SORCS3: variants seen among roughly 807,000 people sequenced by gnomAD.
SORCS3 encodes VPS10 domain-containing receptor SorCS3.
SORCS3 carries 57 observed loss-of-function variants against 146.3 expected under a neutral mutation model. The ratio of observed to expected loss-of-function variants is 0.39; its 90% CI spans 0.31 to 0.49. SORCS3 has a LOEUF of 0.49. Ranked by LOEUF, SORCS3 falls within the 20% of genes least tolerant of loss-of-function variation. SORCS3 has a pLI of 0.92. For missense variants in SORCS3, 1,341 were observed against 1,575.5 expected, an observed-to-expected ratio of 0.85 and a Z score of 2.52; for synonymous variants, 653 against 618.5, an observed-to-expected ratio of 1.06 and a Z score of -0.83.
chr10:104,841,713 C>T (rs76712106), intron 1 of SORCS3, among the ~76,000 whole-genome samples: 299 of 151,834 alleles, frequency 2.0e-3, no homozygotes, highest in African/African-American at 6.9e-3. Context: ...AGTCCCATCT[C>T]GGTAGCAGAA....
chr10:104,915,715 C>T, intron 2 of SORCS3, 118 bp from the exon 3 acceptor site: 1 of 786,148 alleles, frequency 1.3e-6, no homozygotes, highest in Non-Finnish European at 2.2e-6. Context: ...CTCTGAAGCA[C>T]TCATATGATT....
chr10:105,002,196 G>A (rs191135276), intron 4 of SORCS3, among the ~76,000 whole-genome samples: 1 of 152,264 alleles, frequency 6.6e-6, no homozygotes, highest in East Asian at 1.9e-4. Context: ...AGATAAAAGA[G>A]TGTCGCAGGC....
intron 3 of SORCS3, among the ~76,000 whole-genome samples, chr10:104,958,348 G>A (rs1249376254): frequency 6.6e-6 from 1 of 152,140 alleles, no homozygotes; most frequent in African/African-American, 2.4e-5. Flanking sequence ...TAGAATGGGT[G>A]TGATAGGCAG....
intron 1 of SORCS3, among the ~76,000 whole-genome samples, chr10:104,821,433 C>T (rs112592529): frequency 4.6e-5 from 7 of 152,238 alleles, no homozygotes; most frequent in African/African-American, 1.7e-4. Flanking sequence ...AACATGTGCA[C>T]ATTCCTGGGG....
chr10:105,160,484 A>G (rs1289774359), intron 11 of SORCS3, among the ~76,000 whole-genome samples: 1 of 152,022 alleles, frequency 6.6e-6, no homozygotes, highest in Admixed American at 6.6e-5. Context: ...AAAATTAACC[A>G]GGTGTGGTGG....
intron 9 of SORCS3, among the ~76,000 whole-genome samples, chr10:105,156,419 G>A (rs919752578): frequency 1.3e-5 from 2 of 152,132 alleles, no homozygotes; most frequent in African/African-American, 2.4e-5. Flanking sequence ...ATCCTCTAGC[G>A]GCTTGTTTTG....
At chr10:104,908,633 T>C (rs2018933522) in intron 2 of SORCS3, among the ~76,000 whole-genome samples, 1 of 152,196 alleles carries the variant, frequency 6.6e-6, no homozygotes, top group East Asian at 1.9e-4. Context: ...CTCTGCACTT[T>C]CAGAAATTAA....
intron 1 of SORCS3, among the ~76,000 whole-genome samples, chr10:104,742,480 G>A (rs2016859835): frequency 6.6e-6 from 1 of 152,162 alleles, no homozygotes; most frequent in Admixed American, 6.5e-5. Context: ...CCTCTAAGGA[G>A]CTTGGGTAGA....
intron 3 of SORCS3, among the ~76,000 whole-genome samples, chr10:104,951,104 T>C (rs746899744): frequency 3.9e-5 from 6 of 152,198 alleles, no homozygotes; most frequent in Non-Finnish European, 7.3e-5. Flanking sequence ...ATGGATAATT[T>C]CCTTCTTAGT....
At chr10:104,946,641 AG>A (rs755351825) in intron 3 of SORCS3, among the ~76,000 whole-genome samples, 2 of 152,166 alleles carry the variant, frequency 1.3e-5, no homozygotes, top group Non-Finnish European at 2.9e-5. Context: ...AAACAAAACC[AG>A]AAGCTGCTTC....
intron 1 of SORCS3, among the ~76,000 whole-genome samples, chr10:104,658,817 T>G (rs1271015206): frequency 6.6e-6 from 1 of 152,200 alleles, no homozygotes; most frequent in Non-Finnish European, 1.5e-5. Context: ...AGTGCAGGGT[T>G]ATAAATAAGC....
chr10:105,075,294 C>T (rs1252937652), intron 5 of SORCS3, among the ~76,000 whole-genome samples: 1 of 152,196 alleles, frequency 6.6e-6, no homozygotes, highest in Admixed American at 6.5e-5. Flanking sequence ...TTAAGTGACT[C>T]AGCTTTCTGA....
chr10:104,846,425 G>A (rs143086513), intron 2 of SORCS3, among the ~76,000 whole-genome samples: 24 of 152,156 alleles, frequency 1.6e-4, no homozygotes, highest in Middle Eastern at 3.4e-3. Context: ...TTCATGATTC[G>A]GCCTAACATG....
chr10:105,145,598 T>G (rs2056125119), intron 8 of SORCS3, among the ~76,000 whole-genome samples: 1 of 152,176 alleles, frequency 6.6e-6, no homozygotes, highest in Non-Finnish European at 1.5e-5. Context: ...GTGAATTTAA[T>G]TCGTATTTCC....
chr10:105,069,167 C>T (rs928599235), intron 5 of SORCS3, among the ~76,000 whole-genome samples: 1 of 152,210 alleles, frequency 6.6e-6, no homozygotes, highest in African/African-American at 2.4e-5. Context: ...ACCCATACCC[C>T]ACACCAATCA....
At chr10:104,977,736 T>C (rs963617895) in intron 4 of SORCS3, among the ~76,000 whole-genome samples, 10 of 147,470 alleles carry the variant, frequency 6.8e-5, no homozygotes, top group Non-Finnish European at 9.0e-5. Flanking sequence ...TTTTCTTTTT[T>C]TTTTTTTTTT....
At chr10:104,811,345 C>G (rs891033478) in intron 1 of SORCS3, among the ~76,000 whole-genome samples, 5 of 152,156 alleles carry the variant, frequency 3.3e-5, no homozygotes, top group Admixed American at 6.5e-5. Flanking sequence ...CAGAACTTGC[C>G]TGAGGGAGTT....
intron 14 of SORCS3, among the ~76,000 whole-genome samples, chr10:105,183,736 G>A (rs746938261): frequency 6.6e-6 from 1 of 152,176 alleles, no homozygotes; most frequent in Non-Finnish European, 1.5e-5. Context: ...GCACACTCTT[G>A]TTTGTGCCAA....
intron 1 of SORCS3, among the ~76,000 whole-genome samples, chr10:104,813,617 G>A (rs746621113): frequency 2.0e-5 from 3 of 152,144 alleles, no homozygotes; most frequent in East Asian, 1.9e-4. Context: ...GCTCTACAGC[G>A]TTGGGTCTAA....
Sources: allele counts gnomAD v4.1 joint callset (sites outside exome capture counted in the v4.1 genomes callset), GRCh38; gene constraint gnomAD v4.1.1; transcripts MANE v1.5; gene names NCBI Gene and HGNC (gene_info 2026-07-23, HGNC 2026-07-21).